Variants in ATAD5 observed in about 807,000 individuals in gnomAD.
ATAD5 encodes ATPase family AAA domain containing 5, also known as ATPase family AAA domain-containing protein 5.
ATAD5 carries 58 observed loss-of-function variants against 176.9 expected under a neutral mutation model. The observed-to-expected ratio is 0.33, with a 90% CI of 0.27 to 0.41. The LOEUF is 0.41. ATAD5 is among the 10% of genes least tolerant of loss of function. The pLI is 1.00. For missense variants in ATAD5, 1,789 were observed against 2,094.1 expected, an observed-to-expected ratio of 0.85 and a Z score of 2.84; for synonymous variants, 640 against 712.6, an observed-to-expected ratio of 0.90 and a Z score of 1.62.
At chr17:30,868,281 T>C in intron 11 of ATAD5, 52 bp from the exon 12 acceptor site, 1 of 1,430,938 alleles carries the variant, frequency 7.0e-7, no homozygotes, top group Non-Finnish European at 9.4e-7. Context: ...ACATAAAGTC[T>C]AAGGCATAGC....
At chr17:30,890,280 C>T (rs1161203623) in intron 19 of ATAD5, among the ~76,000 whole-genome samples, 1 of 152,028 alleles carries the variant, frequency 6.6e-6, no homozygotes, top group African/African-American at 2.4e-5. Flanking sequence ...AAATATAATA[C>T]ATAACACATG....
In ATAD5 at chr17:30,893,455, T is replaced by C; in HGVS notation, c.4602T>C (p.Thr1534=). 1 of 1,613,978 alleles carries C rather than the reference T, an allele frequency of 6.2e-7. No individual in the cohort carries two copies. Among genetic ancestry groups the C allele is most frequent in the Middle Eastern group, 1.6e-4 (1 of 6,062 alleles). Residue 1534 remains threonine, a synonymous_variant, in exon 21 of 23, where the codon ACT becomes ACC. Transcript: ENST00000321990. ...ETKNFCGPSV[T]VDASAATKSM... is the part of the protein sequence containing the mutation. Reference sequence around the variant, plus strand: ...AAAACTTTTGTGGCCCATCAGTAACTGTGGATGCCAGTGCAGCAACAAAAA... The same window carrying C: ...AAAACTTTTGTGGCCCATCAGTAACCGTGGATGCCAGTGCAGCAACAAAAA...
At chr17:30,891,575 A>G (rs978425169) in intron 19 of ATAD5, among the ~76,000 whole-genome samples, 1 of 151,766 alleles carries the variant, frequency 6.6e-6, no homozygotes, top group Non-Finnish European at 1.5e-5. Flanking sequence ...GTTTTGCCAT[A>G]TTGGCCAGGC....
In ATAD5 at chr17:30,840,621, G is replaced by A; in HGVS notation, c.2081G>A (p.Ser694Asn). The A allele has an allele frequency of 2.0e-6, 3 of 1,507,262 alleles. No individual in the cohort carries two copies. The highest frequency in any genetic ancestry group is 1.8e-4 in the Middle Eastern group (1 of 5,652). 93.4% of individuals were successfully genotyped at this position (1,507,262 alleles called of 1,614,324 possible). Residue 694 changes from serine to asparagine, a missense_variant, in exon 4 of 23, where the codon AGC (serine) becomes AAC (asparagine). By Grantham distance (46) the Ser-to-Asn change is conservative. Around this residue, in one of 6 missense-constraint regions of ATAD5, gnomAD observed 487 missense variants for 573.6 expected, o/e 0.85. Coordinates refer to ENST00000321990, the MANE Select transcript of ATAD5 (RefSeq NM_024857.5). ...GGFTSQIRKASNTSKNISKAK... is the reference protein window; with the variant it reads ...GGFTSQIRKANNTSKNISKAK... ...ATGTTTCAATTTTTTGTTTAGGCAA[G>A]CAATACTTCAAAAAACATATCAAAA...
Position 30,855,196 on chromosome 17 carries a change from G to A in ATAD5, c.2504G>A (p.Arg835His), listed in dbSNP as rs780919433. The change falls in exon 7 of 23, where the codon CGT becomes CAT. Residue 835 changes from arginine (R) to histidine (H), a missense_variant. Around this residue, in one of 6 missense-constraint regions of ATAD5, gnomAD observed 487 missense variants for 573.6 expected, o/e 0.85. Transcript: ENST00000321990. ...TGTGATGTTCAATGTAAAGCAAAGC[G>A]TGACTTCCTAATGAGTGGTTTGCCA... ...QDCDVQCKAK[R>H]DFLMSGLPDL... 36 of 1,613,576 alleles carry A rather than the reference G, an allele frequency of 2.2e-5. No homozygotes were observed. Among genetic ancestry groups the A allele is most frequent in the East Asian group, 6.7e-5 (3 of 44,896 alleles).
chr17:30,860,673 C>T (rs1907576369), intron 10 of ATAD5, 61 bp downstream of exon 10: 2 of 1,324,554 alleles, frequency 1.5e-6, no homozygotes, highest in Admixed American at 5.7e-5. Flanking sequence ...AAAGTGGAAA[C>T]CAAAGCAGTA....
chr17:30,855,072 T>C, intron 6 of ATAD5, 71 bp from the exon 7 acceptor site: 6 of 1,379,670 alleles, frequency 4.3e-6, no homozygotes, highest in Non-Finnish European at 3.9e-6. Flanking sequence ...AAAATGTTTA[T>C]TTTCCAGATA....
At chr17:30,844,354 A>T (rs1906339091) in intron 5 of ATAD5, among the ~76,000 whole-genome samples, 1 of 152,058 alleles carries the variant, frequency 6.6e-6, no homozygotes, top group Admixed American at 6.6e-5. Context: ...GCTGGTCTCG[A>T]ACTCCTGACC....
rs532499017 is a variant in ATAD5 at position 30,857,074 on chromosome 17, T to G, written c.2755T>G (p.Leu919Val). The G allele has an allele frequency of 1.8e-5, 29 of 1,611,476 alleles. No individual in the cohort carries two copies. The South Asian group carries it at 3.0e-4, about 17-fold the overall frequency. The change falls in exon 8 of 23, where the codon TTG (leucine) becomes GTG (valine). Residue 919 changes from leucine to valine, a missense_variant. By Grantham distance (32) the Leu-to-Val change is conservative. Around this residue, in one of 6 missense-constraint regions of ATAD5, gnomAD observed 487 missense variants for 573.6 expected, o/e 0.85. Transcript: ENST00000321990. ...CGIALGEFST[L>V]NSKLKSGNSA... is the part of the protein sequence containing the mutation. Reference sequence around the variant, plus strand: ...TATTGCTCTTGGTGAATTTTCAACATTGAATTCAAAGTTGAAAAGCGGTAA... The same window carrying G: ...TATTGCTCTTGGTGAATTTTCAACAGTGAATTCAAAGTTGAAAAGCGGTAA...
intron 14 of ATAD5, among the ~76,000 whole-genome samples, chr17:30,875,004 C>T (rs1908577740): frequency 6.6e-6 from 1 of 152,008 alleles, no homozygotes; most frequent in South Asian, 2.1e-4. Flanking sequence ...AAATGATGGT[C>T]ATGTCTGTGA....
rs750895751 is a variant in ATAD5 at position 30,835,846 on chromosome 17, T to C, written c.1765T>C (p.Ser589Pro). The change falls in exon 2 of 23, where the codon TCC (serine) becomes CCC (proline). Residue 589 changes from serine to proline, a missense_variant. By Grantham distance (74) the Ser-to-Pro change is moderately conservative (BLOSUM62 -1). Transcript: ENST00000321990. ...AESEASLLNVSTPKSTRRSGR... is the reference protein window; with the variant it reads ...AESEASLLNVPTPKSTRRSGR... Reference sequence around the variant, plus strand: ...ATCTGAAGCCAGCTTGCTAAATGTTTCCACGCCCAAGTCAACTAGAAGATC... The same window carrying C: ...ATCTGAAGCCAGCTTGCTAAATGTTCCCACGCCCAAGTCAACTAGAAGATC... 8 of 1,613,866 alleles carry C rather than the reference T, an allele frequency of 5.0e-6. No homozygotes were observed. The highest frequency in any genetic ancestry group is 6.8e-6 in the Non-Finnish European group (8 of 1,179,984).
At chr17:30,849,980 A>G (rs1017131766) in intron 6 of ATAD5, among the ~76,000 whole-genome samples, 2 of 152,218 alleles carry the variant, frequency 1.3e-5, no homozygotes, top group Admixed American at 6.6e-5. Flanking sequence ...ATCTCTTTAA[A>G]AAAGTAAACA....
rs761294434 is a variant in ATAD5 at position 30,885,538 on chromosome 17, A to G, written c.4078-1654A>G. The stretch of plus-strand genomic sequence containing the variant: ...TGATCTTAGATGGAAAGTGTTTACT[A>G]TTTTACTGTTGAATACAAAGTTAGC... On this transcript the variant is annotated intron_variant, in intron 18 of 22. Transcript: ENST00000321990. 2.8e-4 allele frequency among the ~76,000 whole-genome samples: 41 copies of G among 145,294 alleles called. 1 individual carries two copies. The highest frequency in any genetic ancestry group is 6.5e-4 in the South Asian group (3 of 4,630).
Position 30,843,970 on chromosome 17 carries a change from C to A in ATAD5, c.2299C>A (p.Gln767Lys). The change falls in exon 5 of 23, where the codon CAG becomes AAG. Residue 767 changes from glutamine (Q) to lysine (K), a missense_variant. This residue lies in a region of ATAD5 where 487 missense variants were observed against 573.6 expected (regional missense o/e 0.85). Transcript: ENST00000321990. The part of the protein sequence containing the change: ...PTALKHPEKN[Q>K]KKLQCLNDVL... ...TGCTTTAAAGCATCCAGAGAAAAAT[C>A]AGAAGAAACTTCAGTGTTTGAATGA... is the stretch of plus-strand genomic sequence containing the variant. The A allele has an allele frequency of 6.5e-7, 1 of 1,546,846 alleles. No homozygotes were observed.
chr17:30,866,102 A>G (rs1907957426), intron 11 of ATAD5, among the ~76,000 whole-genome samples: 1 of 151,406 alleles, frequency 6.6e-6, no homozygotes, highest in Non-Finnish European at 1.5e-5. Context: ...CAATTCTCAC[A>G]TCCAAAAAAT....
intron 17 of ATAD5, among the ~76,000 whole-genome samples, chr17:30,878,719 T>TTTTTTTG (rs1567696483): frequency 9.3e-5 from 4 of 43,038 alleles, no homozygotes; most frequent in African/African-American, 6.9e-4. Context: ...TTAGGTGGTG[T>TTTTTTTG]TTTTTTTTTT....
chr17:30,895,023 C>A lies in ATAD5; in HGVS notation c.*110C>A. The A allele has an allele frequency of 3.0e-6, 2 of 657,780 alleles. No homozygotes were observed. The highest frequency in any genetic ancestry group is 4.6e-6 in the Non-Finnish European group (2 of 435,552). 40.7% of individuals were successfully genotyped at this position (657,780 alleles called of 1,614,324 possible). On this transcript the variant is annotated 3_prime_UTR_variant, in exon 23 of 23. Transcript: ENST00000321990. The stretch of plus-strand genomic sequence containing the variant: ...TATATTTCTCGATGTACATTTTAAA[C>A]AAACAATTTGTATATTTTTTTATTG...
intron 14 of ATAD5, among the ~76,000 whole-genome samples, chr17:30,875,997 C>T (rs543655236): frequency 5.3e-5 from 8 of 151,274 alleles, no homozygotes; most frequent in East Asian, 3.9e-4. Flanking sequence ...ATTAGCTGGG[C>T]GTGGTGGCGA....
In ATAD5 at chr17:30,844,998, A is replaced by G. The variant is rs112217045; in HGVS notation, c.2450+82A>G. 5.4e-3 allele frequency: 6,521 copies of G among 1,214,568 alleles called. 288 individuals are homozygous for G. The African/African-American group carries it at 0.092, about 17-fold the overall frequency. The allele number at this position is 1,214,568 out of a possible 1,614,324, so 75.2% of individuals were successfully genotyped here. ...GATGTGTTTACTTTGATGAGAAAGC[A>G]TGTGAATTATCATTTGAAGCTCTAG... On this transcript the variant is annotated intron_variant, in intron 6 of 22. Coordinates refer to ENST00000321990, the MANE Select transcript of ATAD5 (RefSeq NM_024857.5).
Sources: gnomAD v4.1 joint callset for allele counts (sites outside exome capture counted in the v4.1 genomes callset) on GRCh38, gnomAD v4.1.1 for gene constraint, gnomAD v4.1.1 regional missense constraint, MANE v1.5 for transcripts, NCBI Gene and HGNC (gene_info 2026-07-23, HGNC 2026-07-21) for gene names.